The following FBXW8 variants were observed in gnomAD, a reference collection of about 807,000 sequenced individuals.
FBXW8 encodes F-box and WD repeat domain containing 8.
FBXW8 carries 57 observed loss-of-function variants against 65.3 expected under a neutral mutation model. That is an observed-to-expected ratio of 0.87 (90% confidence interval 0.71 to 1.09). FBXW8 has a LOEUF of 1.09. Ranked by LOEUF, FBXW8 falls within the 50% of genes least tolerant of loss-of-function variation. FBXW8 has a pLI of 0.00. For missense variants in FBXW8, 777 were observed against 814.8 expected, an observed-to-expected ratio of 0.95 and a Z score of 0.57; for synonymous variants, 308 against 330.2, an observed-to-expected ratio of 0.93 and a Z score of 0.73.
Position 116,936,788 on chromosome 12 carries a change from C to T in FBXW8, c.424-8576C>T, listed in dbSNP as rs1882192759. Among the ~76,000 whole-genome samples, 1 of 151,976 alleles carries T rather than the reference C, an allele frequency of 6.6e-6. No homozygotes were observed. The highest frequency in any genetic ancestry group is 2.4e-5 in the African/African-American group (1 of 41,364). On this transcript the variant is annotated intron_variant, in intron 2 of 10. Transcript: ENST00000652555. The surrounding 1 kb of genome is among the most constrained non-coding windows in gnomAD (Gnocchi z 4.6). ...GAGACTGATACGGGGATGTGGTGAG[C>T]AGAAGGATAAGAGGAGGAGAGGACT...
At chr12:116,935,774 A>G (rs184999130) in intron 2 of FBXW8, among the ~76,000 whole-genome samples, 6 of 152,340 alleles carry the variant, frequency 3.9e-5, no homozygotes, top group Non-Finnish European at 7.3e-5. Context: ...GTTTACTAGA[A>G]AAAAAAGCAT....
At chr12:117,012,043 A>G (rs1240575822) in intron 8 of FBXW8, among the ~76,000 whole-genome samples, 2 of 152,236 alleles carry the variant, frequency 1.3e-5, no homozygotes, top group East Asian at 3.9e-4. Context: ...ACCATTTTAT[A>G]TGTAAAGGGA....
At chr12:116,987,102 T>C (rs938976576) in intron 6 of FBXW8, 4 of 152,254 alleles carry the variant, frequency 2.6e-5, no homozygotes, top group African/African-American at 7.2e-5. Context: ...TGAATGGCAG[T>C]GGCAGTGTTC....
chr12:116,982,784 C>A (rs1885403890), intron 5 of FBXW8, among the ~76,000 whole-genome samples: 1 of 152,134 alleles, frequency 6.6e-6, no homozygotes, highest in South Asian at 2.1e-4. Flanking sequence ...TAGATAAACT[C>A]CATGTGTGCT....
chr12:117,017,944 C>T (rs1263454809), intron 8 of FBXW8, among the ~76,000 whole-genome samples: 1 of 152,202 alleles, frequency 6.6e-6, no homozygotes, highest in African/African-American at 2.4e-5. Flanking sequence ...GTGTGCTGTG[C>T]TCGTGCTACT....
In FBXW8 at chr12:116,961,324, C is replaced by CAGGCA; in HGVS notation, c.678-3371_678-3367dup. ...TGTATCTGCACTTTTTAAAGCATTC[C>CAGGCA]AGGCAAATTTAATGTGCAGCCCAGG... On this transcript the variant is annotated intron_variant, in intron 4 of 10. Coordinates refer to ENST00000652555, the MANE Select transcript of FBXW8 (RefSeq NM_153348.3). The surrounding 1 kb of genome is among the most constrained non-coding windows in gnomAD (Gnocchi z 4.4). 6.6e-6 allele frequency among the ~76,000 whole-genome samples: 1 copy of CAGGCA among 152,242 alleles called. No individual in the cohort carries two copies. Among genetic ancestry groups the CAGGCA allele is most frequent in the Non-Finnish European group, 1.5e-5 (1 of 68,016 alleles).
intron 2 of FBXW8, among the ~76,000 whole-genome samples, chr12:116,929,426 G>A (rs907768628): frequency 6.6e-6 from 1 of 151,670 alleles, no homozygotes; most frequent in Admixed American, 6.6e-5. Flanking sequence ...GTAGAGACAC[G>A]ATTTTGTCAT....
intron 7 of FBXW8, among the ~76,000 whole-genome samples, chr12:116,997,939 C>T (rs971960398): frequency 1.3e-5 from 2 of 152,190 alleles, no homozygotes; most frequent in African/African-American, 4.8e-5. Context: ...CCTCAGCTTC[C>T]CCAGTAGCTG....
intron 7 of FBXW8, among the ~76,000 whole-genome samples, chr12:116,993,293 G>A (rs1447904983): frequency 1.3e-5 from 2 of 151,654 alleles, no homozygotes; most frequent in African/African-American, 4.8e-5. Context: ...TAGTAGAGAC[G>A]AAGTTTCACC....
intron 7 of FBXW8, among the ~76,000 whole-genome samples, chr12:116,992,761 G>GGTTGT (rs1555223675): frequency 7.0e-6 from 1 of 143,550 alleles, no homozygotes; most frequent in Non-Finnish European, 1.5e-5. Flanking sequence ...ATTATTCCAT[G>GGTTGT]GTGTGTGTGT....
chr12:117,023,577 A>G (rs1006065828), intron 8 of FBXW8, among the ~76,000 whole-genome samples: 2 of 152,214 alleles, frequency 1.3e-5, no homozygotes, highest in East Asian at 3.8e-4. Context: ...AATTATTTCA[A>G]TAAGTGACTG....
At chr12:116,980,401 AC>A (rs1338244935) in intron 5 of FBXW8, 1 of 152,194 alleles carries the variant, frequency 6.6e-6, no homozygotes, top group Non-Finnish European at 1.5e-5. Context: ...TCTGTTTCTT[AC>A]AACCAAATGT....
At chr12:116,949,531 T>C (rs983306958) in intron 3 of FBXW8, 87 bp from the exon 4 acceptor site, 3 of 1,115,678 alleles carry the variant, frequency 2.7e-6, no homozygotes, top group African/African-American at 1.5e-5. Flanking sequence ...AGAGAATTGC[T>C]GTGGAAAGTA....
At chr12:117,014,994 C>T (rs952885429) in intron 8 of FBXW8, among the ~76,000 whole-genome samples, 1 of 152,170 alleles carries the variant, frequency 6.6e-6, no homozygotes, top group African/African-American at 2.4e-5. Context: ...CGCCACCATG[C>T]AGCATGTGAC....
chr12:117,002,012 T>C (rs1218279594), intron 7 of FBXW8, among the ~76,000 whole-genome samples: 2 of 152,138 alleles, frequency 1.3e-5, no homozygotes, highest in African/African-American at 2.4e-5. Flanking sequence ...GTTTGGATGG[T>C]TTTTGCCTGG....
chr12:116,942,531 T>C (rs1044759469), intron 2 of FBXW8, among the ~76,000 whole-genome samples: 7 of 151,400 alleles, frequency 4.6e-5, no homozygotes, highest in Middle Eastern at 3.2e-3. Flanking sequence ...CACGCCACCA[T>C]GTCCAGCTAG....
chr12:117,007,434 A>G (rs1169399965), intron 7 of FBXW8, among the ~76,000 whole-genome samples: 2 of 152,250 alleles, frequency 1.3e-5, no homozygotes, highest in East Asian at 3.8e-4. Flanking sequence ...ACCAGCCTCA[A>G]CATGGTTTAG....
intron 7 of FBXW8, among the ~76,000 whole-genome samples, chr12:117,005,768 C>T (rs1953659631): frequency 6.6e-6 from 1 of 152,244 alleles, no homozygotes; most frequent in Non-Finnish European, 1.5e-5. Context: ...TTAACTGCCT[C>T]ACTGCCCAGC....
intron 9 of FBXW8, among the ~76,000 whole-genome samples, chr12:117,025,436 A>G (rs1954200246): frequency 6.6e-6 from 1 of 152,254 alleles, no homozygotes; most frequent in Non-Finnish European, 1.5e-5. Flanking sequence ...TTTGTTCCCC[A>G]CTTACCGCAA....
Sources: gnomAD v4.1 joint callset for allele counts (sites outside exome capture counted in the v4.1 genomes callset) on GRCh38, gnomAD v4.1.1 for gene constraint, Gnocchi (gnomAD v3.1) non-coding constraint, MANE v1.5 for transcripts, NCBI Gene and HGNC (gene_info 2026-07-23, HGNC 2026-07-21) for gene names.